The following SLIT2 variants were observed in gnomAD, a reference collection of about 807,000 sequenced individuals.
SLIT2 encodes the protein slit homolog 2 protein.
In SLIT2, 41 loss-of-function variants were observed where a neutral mutation model predicts 185.7. The ratio of observed to expected loss-of-function variants is 0.22; its 90% CI spans 0.17 to 0.29. The LOEUF (loss-of-function observed/expected upper bound fraction) is 0.29. Among genes scored for constraint, SLIT2 ranks in the 10% least tolerant of loss-of-function variants. SLIT2 has a pLI of 1.00. For missense variants in SLIT2, 1,571 were observed against 1,909.0 expected, an observed-to-expected ratio of 0.82 and a Z score of 3.30; for synonymous variants, 693 against 680.2, an observed-to-expected ratio of 1.02 and a Z score of -0.29.
Position 20,618,993 on chromosome 4 carries a change from C to A in SLIT2, c.4574C>A (p.Thr1525Lys). ...EVEKVVKCGC[T>K]RCVS Reference sequence around the variant, plus strand: ...GAGAAAGTGGTGAAGTGCGGCTGTACGAGGTGTGTGTCCTAAACACACTCC... The same window carrying A: ...GAGAAAGTGGTGAAGTGCGGCTGTAAGAGGTGTGTGTCCTAAACACACTCC... Residue 1525 changes from threonine to lysine, a missense_variant, in exon 37 of 37, where the codon ACG (threonine) becomes AAG (lysine). Transcript: ENST00000504154. 1 of 1,613,762 alleles carries A rather than the reference C, an allele frequency of 6.2e-7. No homozygotes were observed.
intron 4 of SLIT2, among the ~76,000 whole-genome samples, chr4:20,356,544 T>C (rs1481589425): frequency 6.6e-6 from 1 of 152,184 alleles, no homozygotes; most frequent in Non-Finnish European, 1.5e-5. Context: ...ATTCCTGAAA[T>C]AGTGTCCAAT....
chr4:20,260,859 C>G (rs1198248676), intron 3 of SLIT2, among the ~76,000 whole-genome samples: 1 of 151,724 alleles, frequency 6.6e-6, no homozygotes, highest in Non-Finnish European at 1.5e-5. Context: ...ATACCTCCTC[C>G]TTTCTTTCCT....
intron 29 of SLIT2, chr4:20,573,241 T>C: frequency 1.4e-6 from 1 of 702,982 alleles, no homozygotes; most frequent in Non-Finnish European, 2.6e-6. Context: ...CAGCTGCTAA[T>C]CTGAATGAGG....
intron 4 of SLIT2, among the ~76,000 whole-genome samples, chr4:20,434,884 C>G (rs1308354523): frequency 2.0e-5 from 3 of 152,036 alleles, no homozygotes; most frequent in Non-Finnish European, 4.4e-5. Context: ...TATCTAAATT[C>G]CAAAAATTGA....
chr4:20,570,117 G>A (rs1246254288), intron 29 of SLIT2, among the ~76,000 whole-genome samples: 1 of 152,030 alleles, frequency 6.6e-6, no homozygotes, highest in East Asian at 1.9e-4. Context: ...TCTGAAGGCT[G>A]CCTTTTCTAG....
intron 4 of SLIT2, among the ~76,000 whole-genome samples, chr4:20,309,260 T>C (rs918752136): frequency 6.6e-6 from 1 of 152,144 alleles, no homozygotes; most frequent in South Asian, 2.1e-4. Flanking sequence ...TTATTGAATA[T>C]TGAAAGTTTT....
chr4:20,294,678 T>A (rs1716297182), intron 4 of SLIT2, among the ~76,000 whole-genome samples: 1 of 152,112 alleles, frequency 6.6e-6, no homozygotes, highest in African/African-American at 2.4e-5. Flanking sequence ...ACATGTAAAA[T>A]TAATTTGTAA....
chr4:20,299,239 A>G (rs1327628724), intron 4 of SLIT2, among the ~76,000 whole-genome samples: 1 of 152,242 alleles, frequency 6.6e-6, no homozygotes, highest in African/African-American at 2.4e-5. Flanking sequence ...TTAAAGAGAT[A>G]TAAAGCACTG....
At chr4:20,291,530 A>G (rs555191457) in intron 4 of SLIT2, among the ~76,000 whole-genome samples, 89 of 116,892 alleles carry the variant, frequency 7.6e-4, no homozygotes, top group African/African-American at 2.7e-3. Flanking sequence ...TTTTACAGCA[A>G]TGCTATGTGT....
intron 10 of SLIT2, 116 bp downstream of exon 10, chr4:20,510,682 A>G (rs1178040929): frequency 1.6e-6 from 1 of 628,060 alleles, no homozygotes; most frequent in Admixed American, 2.7e-5. Flanking sequence ...ATATTAAGTG[A>G]TGTGACTGTC....
At chr4:20,348,489 T>TAGG (rs1721614698) in intron 4 of SLIT2, among the ~76,000 whole-genome samples, 1 of 151,702 alleles carries the variant, frequency 6.6e-6, no homozygotes, top group Admixed American at 6.6e-5. Context: ...CCTCAGGCAA[T>TAGG]CCGCCTGCCT....
At chr4:20,506,785 T>C (rs1719251052) in intron 9 of SLIT2, among the ~76,000 whole-genome samples, 1 of 152,006 alleles carries the variant, frequency 6.6e-6, no homozygotes, top group African/African-American at 2.4e-5. Flanking sequence ...AAATTTATTG[T>C]TTGACATCTG....
At chr4:20,413,955 A>G (rs1253491009) in intron 4 of SLIT2, among the ~76,000 whole-genome samples, 2 of 152,072 alleles carry the variant, frequency 1.3e-5, no homozygotes, top group Non-Finnish European at 2.9e-5. Context: ...CTGACAAATT[A>G]GGATTTATGT....
chr4:20,405,211 C>T (rs1309513032), intron 4 of SLIT2, among the ~76,000 whole-genome samples: 2 of 150,484 alleles, frequency 1.3e-5, no homozygotes, highest in African/African-American at 4.9e-5. Context: ...ATATATATAG[C>T]ATTAAATAAT....
At chr4:20,398,486 C>T (rs1299427408) in intron 4 of SLIT2, among the ~76,000 whole-genome samples, 2 of 151,774 alleles carry the variant, frequency 1.3e-5, no homozygotes, top group Non-Finnish European at 2.9e-5. Flanking sequence ...GCAAATAGCA[C>T]TGAAAATCAG....
intron 4 of SLIT2, among the ~76,000 whole-genome samples, chr4:20,309,885 G>A (rs1717929901): frequency 6.7e-6 from 1 of 148,728 alleles, no homozygotes; most frequent in East Asian, 2.1e-4. Flanking sequence ...TCAGCCTCCC[G>A]AGTAGCTGGG....
At chr4:20,272,243 CTAAAA>C (rs1428755685) in intron 4 of SLIT2, among the ~76,000 whole-genome samples, 1 of 148,476 alleles carries the variant, frequency 6.7e-6, no homozygotes, top group African/African-American at 2.5e-5. Context: ...TCCAGGGAAA[CTAAAA>C]TAAGGGACGA....
Position 20,253,894 on chromosome 4 carries a change from G to C in SLIT2, c.79G>C (p.Ala27Pro), listed in dbSNP as rs775464075. The change falls in exon 1 of 37, where the codon GCG becomes CCG. Residue 27 changes from alanine (A) to proline (P), a missense_variant. This residue lies in a region of SLIT2 where 1,202 missense variants were observed against 1,416.4 expected (regional missense o/e 0.85). Coordinates refer to ENST00000504154, the MANE Select transcript of SLIT2 (RefSeq NM_004787.4). The stretch of plus-strand genomic sequence containing the variant: ...GATCCTGAACAAGGTGGCACCGCAG[G>C]CGTGCCCGGCGCAGTGCTCTTGCTC... ...LAILNKVAPQ[A>P]CPAQCSCSGS... 5 of 1,601,440 alleles carry C rather than the reference G, an allele frequency of 3.1e-6. No individual in the cohort carries two copies. Among genetic ancestry groups the C allele is most frequent in the Non-Finnish European group, 4.2e-6 (5 of 1,179,910 alleles).
At chr4:20,465,889 C>G (rs934187532) in intron 4 of SLIT2, among the ~76,000 whole-genome samples, 1 of 151,364 alleles carries the variant, frequency 6.6e-6, no homozygotes, top group Non-Finnish European at 1.5e-5. Context: ...AAGGGGAAGG[C>G]TGCAGAGCCT....
Sources: allele counts gnomAD v4.1 joint callset (sites outside exome capture counted in the v4.1 genomes callset), GRCh38; gene constraint gnomAD v4.1.1; regional missense constraint gnomAD v4.1.1; transcripts MANE v1.5; gene names NCBI Gene and HGNC (gene_info 2026-07-23, HGNC 2026-07-21).